Variants in MTUS2 observed in about 807,000 individuals in gnomAD.
MTUS2 encodes the protein microtubule associated scaffold protein 2.
Under a neutral mutation model 114.1 loss-of-function variants are expected in MTUS2, and 40 were observed. That is an observed-to-expected ratio of 0.35 (90% CI 0.27 to 0.46). The LOEUF (loss-of-function observed/expected upper bound fraction) is 0.46. MTUS2 is among the 20% of genes least tolerant of loss of function. MTUS2 has a pLI of 1.00. For synonymous variants in MTUS2, 688 were observed against 672.0 expected, an observed-to-expected ratio of 1.02 and a Z score of -0.37; for missense variants, 1,679 against 1,705.4, an observed-to-expected ratio of 0.98 and a Z score of 0.27.
Position 29,237,296 on chromosome 13 carries a change from C to T in MTUS2, c.2645-44408C>T, listed in dbSNP as rs563352817. 5.9e-5 allele frequency among the ~76,000 whole-genome samples: 9 copies of T among 152,272 alleles called. No homozygotes were observed. In the South Asian group the frequency reaches 1.9e-3, roughly 32 times the overall value. On this transcript the variant is annotated intron_variant, in intron 5 of 15. Transcript: ENST00000612955. ...CTTTACAGATGATTTTATTTTCCTA[C>T]CAGAGCTCCAGGGAGCTTTCCCTAG... is the stretch of plus-strand genomic sequence containing the variant.
intron 2 of MTUS2, among the ~76,000 whole-genome samples, chr13:28,962,624 C>A (rs1772485032): frequency 6.6e-6 from 1 of 152,172 alleles, no homozygotes; most frequent in African/African-American, 2.4e-5. Context: ...ATTGGCCATC[C>A]TAGCTCCTGA....
chr13:29,150,735 C>CA (rs1892631334), intron 5 of MTUS2, among the ~76,000 whole-genome samples: 1 of 152,104 alleles, frequency 6.6e-6, no homozygotes, highest in Non-Finnish European at 1.5e-5. Flanking sequence ...TGTAGTGGTC[C>CA]AATTTCATTC....
At chr13:29,268,620 G>T (rs1232151469) in intron 5 of MTUS2, among the ~76,000 whole-genome samples, 1 of 151,862 alleles carries the variant, frequency 6.6e-6, no homozygotes, top group East Asian at 1.9e-4. Flanking sequence ...GCCCTCCATG[G>T]TGAGGCCTTC....
intron 6 of MTUS2, among the ~76,000 whole-genome samples, chr13:29,298,289 A>T (rs1899036494): frequency 6.6e-6 from 1 of 152,216 alleles, no homozygotes; most frequent in Non-Finnish European, 1.5e-5. Context: ...ATACATTATT[A>T]TTTGAGTTCC....
intron 3 of MTUS2, among the ~76,000 whole-genome samples, chr13:29,029,156 G>T (rs761349045): frequency 6.6e-6 from 1 of 152,098 alleles, no homozygotes; most frequent in African/African-American, 2.4e-5. Context: ...TCTGACTCTG[G>T]GCCTGCCAAC....
At chr13:29,167,066 T>C (rs1356842063) in intron 5 of MTUS2, among the ~76,000 whole-genome samples, 1 of 152,180 alleles carries the variant, frequency 6.6e-6, no homozygotes, top group African/African-American at 2.4e-5. Context: ...AACTGATCAT[T>C]AGGCTTTTAA....
chr13:28,820,909 G>C (rs1363466298), intron 1 of MTUS2, among the ~76,000 whole-genome samples: 1 of 152,160 alleles, frequency 6.6e-6, no homozygotes, highest in East Asian at 1.9e-4. Context: ...CCCCAGCTTT[G>C]GATAATTTGG....
chr13:29,105,073 G>T (rs1213597737), intron 5 of MTUS2, among the ~76,000 whole-genome samples: 1 of 152,162 alleles, frequency 6.6e-6, no homozygotes, highest in Non-Finnish European at 1.5e-5. Context: ...CGATGCCCAT[G>T]GGAAATAGTC....
At chr13:29,275,525 A>G (rs758456227) in intron 5 of MTUS2, among the ~76,000 whole-genome samples, 2 of 151,972 alleles carry the variant, frequency 1.3e-5, no homozygotes, top group Non-Finnish European at 2.9e-5. Context: ...ACCCACCACT[A>G]CCCTTCCAGC....
At chr13:29,389,818 C>T (rs1452108276) in intron 8 of MTUS2, among the ~76,000 whole-genome samples, 2 of 49,780 alleles carry the variant, frequency 4.0e-5, no homozygotes, top group African/African-American at 1.9e-4. Context: ...TGTATATATA[C>T]ATACATATGT....
At chr13:29,102,025 G>C (rs966463616) in intron 5 of MTUS2, among the ~76,000 whole-genome samples, 1 of 152,130 alleles carries the variant, frequency 6.6e-6, no homozygotes, top group Non-Finnish European at 1.5e-5. Context: ...TATTTGCTCT[G>C]TTGGTTTCCT....
intron 7 of MTUS2, among the ~76,000 whole-genome samples, chr13:29,345,974 G>A (rs1018482413): frequency 2.6e-5 from 4 of 152,194 alleles, no homozygotes; most frequent in Admixed American, 6.5e-5. Flanking sequence ...GGCTGGTACT[G>A]GGGAGTATCT....
chr13:29,487,823 C>A, intron 10 of MTUS2, 77 bp from the exon 11 acceptor site: 1 of 1,149,714 alleles, frequency 8.7e-7, no homozygotes, highest in Non-Finnish European at 1.3e-6. Flanking sequence ...GGGTCACGGA[C>A]CTTTTCCACT....
intron 5 of MTUS2, among the ~76,000 whole-genome samples, chr13:29,266,094 T>G (rs1316054163): frequency 6.6e-6 from 1 of 151,948 alleles, no homozygotes; most frequent in Non-Finnish European, 1.5e-5. Context: ...AAAAGGGAAG[T>G]CAAAAGACTG....
In MTUS2 at chr13:29,501,184, G is replaced by C. The variant is rs1882879386; in HGVS notation, c.3886G>C (p.Val1296Leu). The C allele has an allele frequency of 1.9e-6, 3 of 1,613,928 alleles. No individual in the cohort carries two copies. The highest frequency in any genetic ancestry group is 2.5e-6 in the Non-Finnish European group (3 of 1,179,854). The change falls in exon 15 of 16, where the codon GTT becomes CTT. Residue 1296 changes from valine to leucine, a missense_variant. By Grantham distance (32) the Val-to-Leu change is conservative. Around this residue, in one of 3 missense-constraint regions of MTUS2, gnomAD observed 822 missense variants for 899.7 expected, o/e 0.91. Coordinates refer to ENST00000612955, the MANE Select transcript of MTUS2 (RefSeq NM_001033602.4). ...CAAAGCAAGGATTGACCAAAACACA[G>C]TTGTCACCAGGTAGGTGGGCTGGGT... ...DLKARIDQNT[V>L]VTRQLSEENA...
At chr13:29,109,085 ATTTAT>A (rs1401932826) in intron 5 of MTUS2, among the ~76,000 whole-genome samples, 1 of 152,022 alleles carries the variant, frequency 6.6e-6, no homozygotes, top group East Asian at 1.9e-4. Context: ...ATTAGTTTTT[ATTTAT>A]TTTTTGTTTT....
intron 5 of MTUS2, among the ~76,000 whole-genome samples, chr13:29,120,051 A>T (rs140647000): frequency 3.3e-5 from 5 of 152,204 alleles, no homozygotes; most frequent in Admixed American, 6.5e-5. Flanking sequence ...CTTATGATAA[A>T]TTTTTTGCCA....
At chr13:28,958,432 T>C (rs1279747578) in intron 2 of MTUS2, among the ~76,000 whole-genome samples, 2 of 152,192 alleles carry the variant, frequency 1.3e-5, no homozygotes, top group Non-Finnish European at 2.9e-5. Context: ...GTGAGGAAAA[T>C]ATAAGTAAGC....
At chr13:29,218,667 G>A (rs989357088) in intron 5 of MTUS2, among the ~76,000 whole-genome samples, 7 of 152,184 alleles carry the variant, frequency 4.6e-5, no homozygotes, top group Non-Finnish European at 1.0e-4. Context: ...GAAAATAAGT[G>A]TCCTTTTTCA....
Sources: gnomAD v4.1 joint callset for allele counts (sites outside exome capture counted in the v4.1 genomes callset) on GRCh38, gnomAD v4.1.1 for gene constraint, gnomAD v4.1.1 regional missense constraint, MANE v1.5 for transcripts, NCBI Gene and HGNC (gene_info 2026-07-23, HGNC 2026-07-21) for gene names.